BLTP1: variants seen among roughly 807,000 people sequenced by gnomAD.
BLTP1 encodes bridge-like lipid transfer protein family member 1, also known as fragile site-associated protein.
chr4:122,354,583 A>G, the BLTP1 span, among the ~76,000 whole-genome samples: 2 of 151,860 alleles, frequency 1.3e-5, no homozygotes, highest in African/African-American at 4.8e-5. Context: ...GCTTTTACCA[A>G]TTATCTCTGT....
the BLTP1 span, chr4:122,334,611 C>T: frequency 6.8e-7 from 1 of 1,464,918 alleles, no homozygotes; most frequent in Non-Finnish European, 9.4e-7. Flanking sequence ...CCTACTTGCT[C>T]TTTTGAGACT....
chr4:122,218,445 A>AT, the BLTP1 span, among the ~76,000 whole-genome samples: 1 of 152,146 alleles, frequency 6.6e-6, no homozygotes, highest in African/African-American at 2.4e-5. Flanking sequence ...TTAAATATTA[A>AT]TCCCCCTACC....
chr4:122,182,803 C>A, the BLTP1 span: 3 of 985,040 alleles, frequency 3.0e-6, no homozygotes, highest in Non-Finnish European at 3.6e-6. Context: ...CAAATCGATT[C>A]AAGTAGCACT....
the BLTP1 span, chr4:122,207,757 C>T: frequency 4.8e-6 from 5 of 1,042,676 alleles, no homozygotes; most frequent in South Asian, 1.1e-4. Flanking sequence ...TTTTAGCTTT[C>T]CTCCAATGTC....
At chr4:122,262,030 A>C in the BLTP1 span, 11 of 984,464 alleles carry the variant, frequency 1.1e-5, no homozygotes, top group African/African-American at 1.7e-4. Context: ...GTAGATGTCT[A>C]TTCTGACTCC....
chr4:122,181,077 T>TA, the BLTP1 span, among the ~76,000 whole-genome samples: 1 of 152,206 alleles, frequency 6.6e-6, no homozygotes, highest in African/African-American at 2.4e-5. Context: ...CAACTGGTCT[T>TA]ACAGTTTATT....
At chr4:122,249,789 A>C in the BLTP1 span, 1 of 1,476,256 alleles carries the variant, frequency 6.8e-7, no homozygotes, top group South Asian at 1.3e-5. Context: ...CAACATAATA[A>C]AGCAGAAAGT....
At chr4:122,343,513 A>G in the BLTP1 span, 3 of 1,614,110 alleles carry the variant, frequency 1.9e-6, no homozygotes, top group African/African-American at 1.3e-5. Context: ...GCTTCACTGC[A>G]TGCATGTCTG....
chr4:122,170,896 T>G, the BLTP1 span: 1 of 558,614 alleles, frequency 1.8e-6, no homozygotes, highest in Non-Finnish European at 3.0e-6. Flanking sequence ...TTCTTGAACA[T>G]TTGTTCTGGA....
chr4:122,233,294 A>T, the BLTP1 span, among the ~76,000 whole-genome samples: 2 of 152,218 alleles, frequency 1.3e-5, no homozygotes, highest in Admixed American at 6.5e-5. Context: ...GGTGCTTTAC[A>T]CGTGTTATGC....
At chr4:122,227,072 C>A in the BLTP1 span, 1 of 540,790 alleles carries the variant, frequency 1.8e-6, no homozygotes, top group Non-Finnish European at 2.6e-6. Context: ...TTATATTTTG[C>A]TTACATTTTT....
the BLTP1 span, among the ~76,000 whole-genome samples, chr4:122,177,558 A>G: frequency 4.6e-5 from 7 of 152,334 alleles, no homozygotes; most frequent in African/African-American, 7.2e-5. Context: ...TTCTATAAAT[A>G]GCTTATAAAA....
chr4:122,272,164 T>C, the BLTP1 span: 5 of 1,612,316 alleles, frequency 3.1e-6, no homozygotes, highest in Admixed American at 5.0e-5. Context: ...ATAAAGGAGT[T>C]CGGAGCCCTA....
At chr4:122,246,877 C>G in the BLTP1 span, 1 of 1,554,366 alleles carries the variant, frequency 6.4e-7, no homozygotes. Context: ...CCTTGATCAT[C>G]TTTTCTTTTA....
At chr4:122,255,096 A>G in the BLTP1 span, 6 of 1,575,136 alleles carry the variant, frequency 3.8e-6, no homozygotes, top group Admixed American at 7.0e-5. Flanking sequence ...TTTCATACCT[A>G]TCACTCTAAA....
the BLTP1 span, among the ~76,000 whole-genome samples, chr4:122,218,207 CACTT>C: frequency 6.6e-6 from 1 of 151,982 alleles, no homozygotes; most frequent in African/African-American, 2.4e-5. Flanking sequence ...TGATCGAACT[CACTT>C]AGACATTTAT....
At chr4:122,247,762 G>C in the BLTP1 span, 2 of 1,006,566 alleles carry the variant, frequency 2.0e-6, no homozygotes, top group Non-Finnish European at 2.4e-6. Flanking sequence ...CAAAACCAGA[G>C]AGTCTGTAAA....
the BLTP1 span, chr4:122,219,342 A>G: frequency 5.8e-5 from 93 of 1,612,196 alleles, no homozygotes; most frequent in African/African-American, 1.1e-3. Flanking sequence ...ATTTATAGGA[A>G]AACTACTTTG....
At chr4:122,187,562 CT>C in the BLTP1 span, 1 of 1,531,388 alleles carries the variant, frequency 6.5e-7, no homozygotes, top group Middle Eastern at 1.8e-4. Flanking sequence ...TAATGTAGAA[CT>C]TTTAATTTTT....
Sources: allele counts gnomAD v4.1 joint callset (sites outside exome capture counted in the v4.1 genomes callset), GRCh38; gene constraint gnomAD v4.1.1; transcripts MANE v1.5; gene names NCBI Gene and HGNC (gene_info 2026-07-23, HGNC 2026-07-21).